SORCS2: variants seen among roughly 807,000 people sequenced by gnomAD.
SORCS2 encodes the protein sortilin related VPS10 domain containing receptor 2.
In SORCS2, 100 loss-of-function variants were observed where a neutral mutation model predicts 141.6. The ratio of observed to expected loss-of-function variants is 0.71; its 90% CI spans 0.60 to 0.83. SORCS2 has a LOEUF of 0.83. SORCS2 is among the 40% of genes least tolerant of loss of function. SORCS2 has a pLI of 0.00. For synonymous variants in SORCS2, 789 were observed against 676.9 expected, an observed-to-expected ratio of 1.17 and a Z score of -2.57; for missense variants, 1,646 against 1,560.2, an observed-to-expected ratio of 1.05 and a Z score of -0.93.
chr4:7,723,418 G>GCCTCTC (rs918005817), intron 18 of SORCS2, among the ~76,000 whole-genome samples: 86 of 152,230 alleles, frequency 5.6e-4, no homozygotes, highest in African/African-American at 1.9e-3. Context: ...ACACCCTTGG[G>GCCTCTC]CCTCTCCCTC....
chr4:7,387,287 CAT>C (rs752533251), intron 1 of SORCS2, among the ~76,000 whole-genome samples: 15 of 482 alleles, frequency 0.031, no homozygotes, highest in African/African-American at 0.047. Flanking sequence ...TACACATGCA[CAT>C]ACATACACAT....
chr4:7,421,534 G>A (rs910673775), intron 2 of SORCS2, among the ~76,000 whole-genome samples: 57 of 152,328 alleles, frequency 3.7e-4, no homozygotes, highest in African/African-American at 1.2e-3. Context: ...GGGAATACTC[G>A]TCATCGTCGT....
At chr4:7,343,437 G>A (rs529824050) in intron 1 of SORCS2, among the ~76,000 whole-genome samples, 2 of 152,336 alleles carry the variant, frequency 1.3e-5, no homozygotes, top group South Asian at 4.2e-4. Flanking sequence ...CCCCACACTG[G>A]AACAGGGCAG....
intron 2 of SORCS2, among the ~76,000 whole-genome samples, chr4:7,440,043 G>C (rs1205702084): frequency 2.0e-5 from 3 of 152,168 alleles, no homozygotes; most frequent in African/African-American, 7.2e-5. Flanking sequence ...TGCAGAGAAT[G>C]GTATCACAGA....
chr4:7,595,882 G>A (rs568418282), intron 3 of SORCS2, among the ~76,000 whole-genome samples: 25 of 152,294 alleles, frequency 1.6e-4, no homozygotes, highest in African/African-American at 3.6e-4. Flanking sequence ...AGCCCGACGC[G>A]GACTCTGACC....
At chr4:7,728,308 C>T (rs1727362876) in intron 21 of SORCS2, 42 bp from the exon 22 acceptor site, 1 of 1,491,524 alleles carries the variant, frequency 6.7e-7, no homozygotes, top group South Asian at 1.2e-5. Flanking sequence ...CAGAGCCAGG[C>T]TGTCCAGAAC....
chr4:7,556,384 G>A (rs1252835048), intron 3 of SORCS2, among the ~76,000 whole-genome samples: 1 of 152,112 alleles, frequency 6.6e-6, no homozygotes, highest in African/African-American at 2.4e-5. Flanking sequence ...GGGGCGCTGG[G>A]CTGGAGACAC....
At chr4:7,471,369 A>C (rs1465279212) in intron 2 of SORCS2, among the ~76,000 whole-genome samples, 1 of 152,226 alleles carries the variant, frequency 6.6e-6, no homozygotes, top group Non-Finnish European at 1.5e-5. Context: ...TTTTCAATTA[A>C]ATCCTCAGAC....
intron 2 of SORCS2, among the ~76,000 whole-genome samples, chr4:7,447,841 C>T (rs1728097124): frequency 6.6e-6 from 1 of 152,202 alleles, no homozygotes; most frequent in African/African-American, 2.4e-5. Context: ...GAGCATTCTG[C>T]ATGTGCGTTT....
intron 3 of SORCS2, among the ~76,000 whole-genome samples, chr4:7,615,687 A>G (rs985787137): frequency 6.6e-6 from 1 of 152,180 alleles, no homozygotes. Context: ...TGATACTTCC[A>G]GGAAACTACA....
chr4:7,378,466 A>G (rs1037332390), intron 1 of SORCS2, among the ~76,000 whole-genome samples: 6 of 152,332 alleles, frequency 3.9e-5, no homozygotes, highest in Admixed American at 1.3e-4. Context: ...CCTTCTTCAC[A>G]TGGCATCAGG....
At chr4:7,542,049 C>T (rs896940764) in intron 3 of SORCS2, among the ~76,000 whole-genome samples, 2 of 152,174 alleles carry the variant, frequency 1.3e-5, no homozygotes, top group African/African-American at 4.8e-5. Context: ...AAGGCAATTG[C>T]CCAGCAGAGC....
chr4:7,713,633 G>A (rs551843103), intron 15 of SORCS2, among the ~76,000 whole-genome samples: 99 of 152,256 alleles, frequency 6.5e-4, no homozygotes, highest in African/African-American at 2.2e-3. Context: ...GGGGGGCAGT[G>A]GGGGATGAGG....
intron 1 of SORCS2, among the ~76,000 whole-genome samples, chr4:7,273,919 G>A (rs543968173): frequency 6.6e-6 from 1 of 152,332 alleles, no homozygotes; most frequent in Non-Finnish European, 1.5e-5. Flanking sequence ...GTGTCCAGGG[G>A]ACCATGCTGG....
chr4:7,632,460 A>C (rs1413944781), intron 3 of SORCS2, among the ~76,000 whole-genome samples: 1 of 152,126 alleles, frequency 6.6e-6, no homozygotes, highest in Non-Finnish European at 1.5e-5. Context: ...TTGCTCCAAT[A>C]ATCCTTCCCT....
chr4:7,201,078 C>T lies in SORCS2; in HGVS notation c.480+7952C>T, dbSNP rs187746901. Among the ~76,000 whole-genome samples the T allele has an allele frequency of 1.8e-3, 272 of 152,268 alleles. 1 individual carries two copies. Among genetic ancestry groups the T allele is most frequent in the African/African-American group, 5.9e-3 (247 of 41,550 alleles). ...TGGTCTGGACAGGAATTCACCCCAG[C>T]GCGTTCTAGGTGCCGTGTGAATCTG... is the stretch of plus-strand genomic sequence containing the variant. On this transcript the variant is annotated intron_variant, in intron 1 of 26. Transcript: ENST00000507866. The surrounding 1 kb of genome is among the most constrained non-coding windows in gnomAD (Gnocchi z 4.4).
intron 2 of SORCS2, among the ~76,000 whole-genome samples, chr4:7,477,541 G>C (rs962537894): frequency 6.6e-6 from 1 of 152,080 alleles, no homozygotes; most frequent in Non-Finnish European, 1.5e-5. Flanking sequence ...GCCTGCACAT[G>C]CTCAAAGTTG....
chr4:7,492,557 A>G (rs1283210019), intron 2 of SORCS2, among the ~76,000 whole-genome samples: 1 of 152,108 alleles, frequency 6.6e-6, no homozygotes, highest in Non-Finnish European at 1.5e-5. Flanking sequence ...TCCTTTTGCT[A>G]TGTACCCAGC....
chr4:7,433,225 G>T lies in SORCS2; in HGVS notation c.548+36870G>T, dbSNP rs991422283. 14 of 1,286,268 alleles carry T rather than the reference G, an allele frequency of 1.1e-5. No individual in the cohort carries two copies. In the African/African-American group the frequency reaches 1.7e-4, roughly 15 times the overall value. The allele number at this position is 1,286,268 out of a possible 1,614,324, so 79.7% of individuals were successfully genotyped here. ...CTCCTTCCCAGCCTCCCTCCTCAGAGCTTCAGTTTTTCATTTGTGAAATGG... is the reference window on the plus strand; with the variant it reads ...CTCCTTCCCAGCCTCCCTCCTCAGATCTTCAGTTTTTCATTTGTGAAATGG... On this transcript the variant is annotated intron_variant, in intron 2 of 26. Transcript: ENST00000507866.
Sources: gnomAD v4.1 joint callset for allele counts (sites outside exome capture counted in the v4.1 genomes callset) on GRCh38, gnomAD v4.1.1 for gene constraint, Gnocchi (gnomAD v3.1) non-coding constraint, MANE v1.5 for transcripts, NCBI Gene and HGNC (gene_info 2026-07-23, HGNC 2026-07-21) for gene names.